Variants in MYO18B observed in about 807,000 individuals in gnomAD.
The protein encoded by MYO18B is unconventional myosin-XVIIIb.
In MYO18B, 204 loss-of-function variants were observed where a neutral mutation model predicts 273.0. That is an observed-to-expected ratio of 0.75 (90% CI 0.67 to 0.84). The LOEUF (loss-of-function observed/expected upper bound fraction) is 0.84. MYO18B is among the 40% of genes least tolerant of loss of function. The pLI is 0.00. For synonymous variants in MYO18B, 1,330 were observed against 1,305.7 expected (o/e 1.02, Z -0.40); for missense variants, 3,212 against 3,287.6 (o/e 0.98, Z 0.56).
Position 25,902,718 on chromosome 22 carries a change from G to A in MYO18B, c.4929G>A (p.Gln1643=). The change falls in exon 30 of 44, where the codon CAG becomes CAA. Residue 1643 remains glutamine, a synonymous_variant. Transcript: ENST00000335473. ...ENTSVRWELG[Q]LQQQLKQKEQ... ...CCAGTGTCCGGTGGGAGCTAGGCCAGCTTCAGCAGCAGCTGAAGGTAAGGG... is the reference window on the plus strand; with the variant it reads ...CCAGTGTCCGGTGGGAGCTAGGCCAACTTCAGCAGCAGCTGAAGGTAAGGG... The A allele has an allele frequency of 6.3e-7, 1 of 1,585,528 alleles. No homozygotes were observed. Among genetic ancestry groups the A allele is most frequent in the African/African-American group, 1.3e-5 (1 of 74,364 alleles).
chr22:25,853,823 GCTT>G (rs959322686), intron 21 of MYO18B, among the ~76,000 whole-genome samples: 4 of 151,958 alleles, frequency 2.6e-5, no homozygotes, highest in Non-Finnish European at 2.9e-5. Context: ...GGGAATTTTT[GCTT>G]CTTCTTATTC....
intron 20 of MYO18B, among the ~76,000 whole-genome samples, chr22:25,848,598 TGGG>T (rs1452803027): frequency 1.3e-5 from 2 of 152,082 alleles, no homozygotes; most frequent in Admixed American, 1.3e-4. Context: ...GGCAGGGGGA[TGGG>T]GGGATTCTAA....
At chr22:25,785,675 A>G (rs1478179083) in intron 11 of MYO18B, among the ~76,000 whole-genome samples, 184 bp downstream of exon 11, 1 of 152,172 alleles carries the variant, frequency 6.6e-6, no homozygotes, top group East Asian at 1.9e-4. Context: ...GAAGACTCAG[A>G]CAAATAAAGG....
intron 1 of MYO18B, among the ~76,000 whole-genome samples, chr22:25,742,717 C>T (rs545517137): frequency 3.3e-5 from 5 of 152,188 alleles, no homozygotes; most frequent in Non-Finnish European, 7.3e-5. Context: ...AAGAGCCAGG[C>T]TTCCCCTTTC....
rs759463120 is a variant in MYO18B, at chr22:25,955,192, G to C, written c.5984G>C (p.Arg1995Pro). The C allele has an allele frequency of 6.2e-7, 1 of 1,608,574 alleles. No homozygotes were observed. The highest frequency in any genetic ancestry group is 1.7e-5 in the Admixed American group (1 of 59,446). ...TGCCCCTCCCAGGTCCTGGTGATCC[G>C]GCTTCGGGACAGCCTGATCAAGATG... The part of the protein sequence containing the change: ...QIKRFEVLVI[R>P]LRDSLIKMGE... The change falls in exon 39 of 44, where the codon CGG becomes CCG. Residue 1995 changes from arginine (R) to proline (P), a missense_variant. By Grantham distance (103) the Arg-to-Pro change is moderately radical (BLOSUM62 -2). Transcript: ENST00000335473.
At chr22:25,796,748 C>A (rs1330553047) in intron 11 of MYO18B, among the ~76,000 whole-genome samples, 2 of 152,206 alleles carry the variant, frequency 1.3e-5, no homozygotes, top group South Asian at 2.1e-4. Flanking sequence ...GCTGTAGGAT[C>A]TTGATTGATT....
chr22:25,959,133 G>C (rs1490832953), intron 39 of MYO18B: 1 of 152,164 alleles, frequency 6.6e-6, no homozygotes, highest in Non-Finnish European at 1.5e-5. Context: ...AGCCTTCACA[G>C]GCAAAACAAG....
chr22:25,778,619 A>G (rs1445913624), intron 8 of MYO18B, among the ~76,000 whole-genome samples: 1 of 152,018 alleles, frequency 6.6e-6, no homozygotes, highest in Admixed American at 6.6e-5. Context: ...AGCTGGGACT[A>G]CAGGTACACG....
the MYO18B span, among the ~76,000 whole-genome samples, chr22:26,063,662 C>A: frequency 6.6e-6 from 1 of 152,120 alleles, no homozygotes; most frequent in African/African-American, 2.4e-5. Flanking sequence ...AACAACTCCA[C>A]CCCAAAATCC....
intron 11 of MYO18B, among the ~76,000 whole-genome samples, chr22:25,790,695 G>T (rs753746203): frequency 1.3e-5 from 2 of 152,164 alleles, no homozygotes; most frequent in Non-Finnish European, 2.9e-5. Flanking sequence ...TTCAATTTTC[G>T]AATCGTTTGC....
At chr22:25,791,955 C>T (rs926641360) in intron 11 of MYO18B, among the ~76,000 whole-genome samples, 1 of 152,202 alleles carries the variant, frequency 6.6e-6, no homozygotes, top group Non-Finnish European at 1.5e-5. Context: ...GGACTGGGAT[C>T]CAGGTTGGCC....
chr22:25,963,801 C>G (rs1283259478), intron 39 of MYO18B, among the ~76,000 whole-genome samples: 2 of 151,774 alleles, frequency 1.3e-5, no homozygotes, highest in Non-Finnish European at 2.9e-5. Flanking sequence ...TAAATGAGAT[C>G]ATGTATACAA....
chr22:25,936,686 T>C (rs2092582672), intron 34 of MYO18B, among the ~76,000 whole-genome samples: 1 of 152,198 alleles, frequency 6.6e-6, no homozygotes. Flanking sequence ...CATTTATTTA[T>C]TATAGTTCTG....
chr22:25,890,620 C>T (rs1409998649), intron 25 of MYO18B, 136 bp from the exon 26 acceptor site: 1 of 1,290,424 alleles, frequency 7.7e-7, no homozygotes, highest in Non-Finnish European at 1.1e-6. Context: ...AGTCCATCCT[C>T]TTAACGAGTT....
chr22:25,940,782 C>T (rs776440329), intron 34 of MYO18B, among the ~76,000 whole-genome samples: 3 of 152,188 alleles, frequency 2.0e-5, no homozygotes, highest in Non-Finnish European at 4.4e-5. Flanking sequence ...ACCAAATATC[C>T]CCAGGCCAAA....
At chr22:25,923,032 A>G (rs1009762187) in intron 34 of MYO18B, among the ~76,000 whole-genome samples, 1 of 152,172 alleles carries the variant, frequency 6.6e-6, no homozygotes, top group African/African-American at 2.4e-5. Context: ...GGTCTGGGAC[A>G]GTTTCTCAGG....
the MYO18B span, among the ~76,000 whole-genome samples, chr22:26,057,412 G>A: frequency 1.3e-5 from 2 of 152,182 alleles, no homozygotes; most frequent in East Asian, 1.9e-4. Context: ...TAATCCTTAT[G>A]AGACTGTCAT....
intron 12 of MYO18B, among the ~76,000 whole-genome samples, chr22:25,813,684 C>T (rs1039102983): frequency 2.6e-5 from 4 of 152,186 alleles, no homozygotes; most frequent in African/African-American, 7.2e-5. Flanking sequence ...GGCCTAGGGC[C>T]TCTGTCTTCC....
chr22:25,797,100 G>A (rs1273001757), intron 11 of MYO18B, among the ~76,000 whole-genome samples: 1 of 152,202 alleles, frequency 6.6e-6, no homozygotes, highest in African/African-American at 2.4e-5. Context: ...GGTGGCGGGT[G>A]CCTGTAAGCC....
Sources: allele counts gnomAD v4.1 joint callset (sites outside exome capture counted in the v4.1 genomes callset), GRCh38; gene constraint gnomAD v4.1.1; transcripts MANE v1.5; gene names NCBI Gene and HGNC (gene_info 2026-07-23, HGNC 2026-07-21).